BMP2K: variants seen among roughly 807,000 people sequenced by gnomAD.
BMP2K encodes BMP2 inducible kinase.
BMP2K carries 74 observed loss-of-function variants against 116.0 expected under a neutral mutation model. The observed-to-expected ratio is 0.64, with a 90% CI of 0.53 to 0.77. The LOEUF is 0.77. BMP2K is among the 30% of genes least tolerant of loss of function. BMP2K has a pLI of 0.00. For synonymous variants in BMP2K, 486 were observed against 502.5 expected (o/e 0.97, Z 0.44); for missense variants, 1,365 against 1,403.6 (o/e 0.97, Z 0.44).
Position 78,911,921 on chromosome 4 carries a change from C to A in BMP2K, c.3374C>A (p.Ala1125Asp), listed in dbSNP as rs1369989267. 5 of 1,613,832 alleles carry A rather than the reference C, an allele frequency of 3.1e-6. No individual in the cohort carries two copies. Among genetic ancestry groups the A allele is most frequent in the Non-Finnish European group, 4.2e-6 (5 of 1,179,884 alleles). The change falls in exon 16 of 16, where the codon GCC becomes GAC. Residue 1125 changes from alanine to aspartate, a missense_variant. By Grantham distance (126) the Ala-to-Asp change is moderately radical (BLOSUM62 -2). Transcript: ENST00000502613. ...ADVLKMDDFGAVPFTELVVQS... is the reference protein window; with the variant it reads ...ADVLKMDDFGDVPFTELVVQS... ...GTATTGAAAATGGATGATTTTGGTGCCGTGCCCTTTACAGAACTTGTGGTG... is the reference window on the plus strand; with the variant it reads ...GTATTGAAAATGGATGATTTTGGTGACGTGCCCTTTACAGAACTTGTGGTG...
chr4:78,857,025 A>G (rs558796005), intron 7 of BMP2K, among the ~76,000 whole-genome samples: 3 of 152,248 alleles, frequency 2.0e-5, no homozygotes, highest in Non-Finnish European at 4.4e-5. Flanking sequence ...CTACACTAGC[A>G]CAGTGGCTTC....
chr4:78,908,851 A>G (rs892340161), intron 15 of BMP2K, among the ~76,000 whole-genome samples: 1 of 152,118 alleles, frequency 6.6e-6, no homozygotes, highest in Admixed American at 6.5e-5. Flanking sequence ...TAATAATCAC[A>G]TCAGGGTAAA....
intron 15 of BMP2K, among the ~76,000 whole-genome samples, chr4:78,904,236 A>G (rs910064320): frequency 1.3e-5 from 2 of 151,944 alleles, no homozygotes; most frequent in African/African-American, 4.8e-5. Context: ...TTGAAGAGAA[A>G]AAAGTTCTAA....
At chr4:78,805,896 G>A (rs1272789761) in intron 1 of BMP2K, among the ~76,000 whole-genome samples, 2 of 152,112 alleles carry the variant, frequency 1.3e-5, no homozygotes, top group Non-Finnish European at 1.5e-5. Flanking sequence ...ACTTGAATCC[G>A]GGAGGCGGAG....
chr4:78,879,299 GA>G, intron 14 of BMP2K: 3 of 993,944 alleles, frequency 3.0e-6, no homozygotes, highest in Non-Finnish European at 3.6e-6. Context: ...GATGCCCTTT[GA>G]AAATGCCTGA....
Position 78,845,029 on chromosome 4 carries a change from A to G in BMP2K, c.648A>G (p.Val216=). The G allele has an allele frequency of 1.3e-6, 2 of 1,577,726 alleles. No individual in the cohort carries two copies. Among genetic ancestry groups the G allele is most frequent in the Non-Finnish European group, 1.7e-6 (2 of 1,153,178 alleles). Residue 216 remains valine (V), a synonymous_variant, in exon 5 of 16, where the codon GTA becomes GTG. Transcript: ENST00000502613. ...FLNPQKDGVN[V]VEEEIKKYTT... is the part of the protein sequence containing the mutation. Reference sequence around the variant, plus strand: ...ATCCTCAAAAAGATGGAGTTAATGTAGTAGAAGAAGAAATTAAAAAGTAAG... The same window carrying G: ...ATCCTCAAAAAGATGGAGTTAATGTGGTAGAAGAAGAAATTAAAAAGTAAG...
At chr4:78,778,989 A>G (rs554286217) in intron 1 of BMP2K, among the ~76,000 whole-genome samples, 1 of 152,342 alleles carries the variant, frequency 6.6e-6, no homozygotes, top group African/African-American at 2.4e-5. Flanking sequence ...CTCAGTAGAT[A>G]CTGTGCCCTG....
intron 15 of BMP2K, among the ~76,000 whole-genome samples, chr4:78,893,891 C>T (rs1339275590): frequency 6.6e-6 from 1 of 152,198 alleles, no homozygotes; most frequent in Non-Finnish European, 1.5e-5. Flanking sequence ...ACAATTACTG[C>T]TTGATCCATG....
chr4:78,819,661 A>G (rs1417071111), intron 1 of BMP2K, among the ~76,000 whole-genome samples: 2 of 152,176 alleles, frequency 1.3e-5, no homozygotes, highest in African/African-American at 2.4e-5. Context: ...TGGAGTTAGT[A>G]TTCACTTTTA....
intron 1 of BMP2K, among the ~76,000 whole-genome samples, chr4:78,782,965 T>C (rs960158954): frequency 6.6e-6 from 1 of 152,182 alleles, no homozygotes; most frequent in African/African-American, 2.4e-5. Flanking sequence ...ATTATGAAGA[T>C]TAGAGAAGAT....
At chr4:78,892,849 A>G (rs1301389500) in intron 15 of BMP2K, among the ~76,000 whole-genome samples, 1 of 152,250 alleles carries the variant, frequency 6.6e-6, no homozygotes, top group Non-Finnish European at 1.5e-5. Context: ...AATGCTAACA[A>G]TCATCTGAAC....
chr4:78,815,908 T>C lies in BMP2K; in HGVS notation c.179-10129T>C, dbSNP rs78974683. 5.6e-3 allele frequency among the ~76,000 whole-genome samples: 856 copies of C among 152,242 alleles called. 11 individuals are homozygous for C. Among genetic ancestry groups the C allele is most frequent in the African/African-American group, 0.02 (811 of 41,554 alleles). ...GGATGGAAACTTAAAAAAATATTGA[T>C]GAGTAAAGTGACATGATGTATACAG... On this transcript the variant is annotated intron_variant, in intron 1 of 15. Coordinates refer to ENST00000502613, the MANE Select transcript of BMP2K (RefSeq NM_198892.2).
chr4:78,858,017 T>C (rs1423774446), intron 7 of BMP2K, among the ~76,000 whole-genome samples: 3 of 151,954 alleles, frequency 2.0e-5, no homozygotes, highest in Non-Finnish European at 4.4e-5. Context: ...TTCTTATATA[T>C]TTAAAAAAAA....
intron 7 of BMP2K, chr4:78,859,379 A>G: frequency 2.9e-5 from 11 of 379,568 alleles, no homozygotes; most frequent in South Asian, 2.6e-4. Flanking sequence ...CTGTTCTGTG[A>G]TTGATCTACC....
At chr4:78,829,808 T>TTTTC (rs1730111073) in intron 2 of BMP2K, among the ~76,000 whole-genome samples, 2 of 139,110 alleles carry the variant, frequency 1.4e-5, no homozygotes, top group African/African-American at 6.0e-5. Context: ...TTCTCTTCTC[T>TTTTC]TCTCTTCTCT....
At chr4:78,817,160 A>G (rs1344258524) in intron 1 of BMP2K, among the ~76,000 whole-genome samples, 1 of 152,212 alleles carries the variant, frequency 6.6e-6, no homozygotes, top group African/African-American at 2.4e-5. Flanking sequence ...AAATACATCC[A>G]TAACTATTAT....
At chr4:78,809,614 A>G (rs1728987674) in intron 1 of BMP2K, among the ~76,000 whole-genome samples, 2 of 150,744 alleles carry the variant, frequency 1.3e-5, no homozygotes, top group East Asian at 1.9e-4. Flanking sequence ...TCCTGAGCTC[A>G]TGTGACTTTT....
At chr4:78,797,812 A>G (rs556966437) in intron 1 of BMP2K, among the ~76,000 whole-genome samples, 1 of 152,130 alleles carries the variant, frequency 6.6e-6, no homozygotes, top group African/African-American at 2.4e-5. Flanking sequence ...TTTGTCTTTG[A>G]TTAGGAATGT....
At chr4:78,808,109 C>T (rs1487485407) in intron 1 of BMP2K, among the ~76,000 whole-genome samples, 1 of 151,842 alleles carries the variant, frequency 6.6e-6, no homozygotes, top group South Asian at 2.1e-4. Flanking sequence ...GGCTGGAGTG[C>T]AGTGGTGTGA....
Sources: gnomAD v4.1 joint callset for allele counts (sites outside exome capture counted in the v4.1 genomes callset) on GRCh38, gnomAD v4.1.1 for gene constraint, MANE v1.5 for transcripts, NCBI Gene and HGNC (gene_info 2026-07-23, HGNC 2026-07-21) for gene names.